Variants in CENPE observed in about 807,000 individuals in gnomAD.
The protein encoded by CENPE is centromere-associated protein E.
Under a neutral mutation model 336.1 loss-of-function variants are expected in CENPE, and 145 were observed. The observed-to-expected ratio is 0.43, with a 90% CI of 0.38 to 0.50. The LOEUF is 0.50. Among genes scored for constraint, CENPE ranks in the 20% least tolerant of loss-of-function variants. The pLI is 0.00. For synonymous variants in CENPE, 1,013 were observed against 984.8 expected (o/e 1.03, Z -0.54); for missense variants, 2,719 against 3,023.3 (o/e 0.90, Z 2.36).
rs963181267 is a variant in CENPE at position 103,171,958 on chromosome 4, G to A, written c.1647+2778C>T. On this transcript the variant is annotated intron_variant, in intron 16 of 48. Coordinates refer to ENST00000265148, the MANE Select transcript of CENPE (RefSeq NM_001813.3). ...TGAACAGGCCAGTAATGAGAAAGGA[G>A]ACTTGAATCAGTAATAAAAAGTCTC... Among the ~76,000 whole-genome samples the A allele has an allele frequency of 2.0e-5, 3 of 151,896 alleles. 1 individual carries two copies. Among genetic ancestry groups the A allele is most frequent in the Admixed American group, 1.3e-4 (2 of 15,246 alleles).
rs143572974 is a variant in CENPE, at chr4:103,162,795, G to C, written c.1842+342C>G. On this transcript the variant is annotated intron_variant, in intron 18 of 48. Transcript: ENST00000265148. Reference sequence around the variant, plus strand: ...GCTGGTCTTGAACTCCTGGGCTCAAGTGATCTCCCACTTCGGCCTCCCAAA... The same window carrying C: ...GCTGGTCTTGAACTCCTGGGCTCAACTGATCTCCCACTTCGGCCTCCCAAA... 4.2e-3 allele frequency among the ~76,000 whole-genome samples: 634 copies of C among 152,170 alleles called. 5 individuals are homozygous for C. Among genetic ancestry groups the C allele is most frequent in the African/African-American group, 0.014 (590 of 41,500 alleles).
chr4:103,192,732 T>A (rs184778025), intron 8 of CENPE, among the ~76,000 whole-genome samples: 14 of 152,238 alleles, frequency 9.2e-5, no homozygotes, highest in Admixed American at 3.9e-4. Context: ...AGAAAATAGT[T>A]TCGTTTTAGA....
At position 103,161,320 on chromosome 4, in the gene CENPE, A is replaced by T. The variant is rs1754423178; in HGVS notation, c.1965+15T>A. The T allele has an allele frequency of 6.2e-7, 1 of 1,605,672 alleles. No individual in the cohort carries two copies. The highest frequency in any genetic ancestry group is 1.3e-5 in the African/African-American group (1 of 74,280). ...TTACAACTACTTTATTATAAATATT[A>T]CAAAAAATACTTACCATTTTCTCCT... On this transcript the variant is annotated intron_variant, in intron 19 of 48. Coordinates refer to ENST00000265148, the MANE Select transcript of CENPE (RefSeq NM_001813.3).
At chr4:103,132,144 T>C (rs1578572549) in intron 42 of CENPE, among the ~76,000 whole-genome samples, 1 of 152,194 alleles carries the variant, frequency 6.6e-6, no homozygotes, top group East Asian at 1.9e-4. Flanking sequence ...TCATCGATTG[T>C]GCCAAATGTG....
intron 42 of CENPE, among the ~76,000 whole-genome samples, chr4:103,127,966 T>G (rs1416128866): frequency 6.6e-6 from 1 of 152,084 alleles, no homozygotes; most frequent in African/African-American, 2.4e-5. Context: ...AATACACCAA[T>G]TAAAAGACCG....
At chr4:103,182,298 T>C (rs895785079) in intron 11 of CENPE, among the ~76,000 whole-genome samples, 1 of 152,010 alleles carries the variant, frequency 6.6e-6, no homozygotes, top group Non-Finnish European at 1.5e-5. Context: ...TCCATGTTGG[T>C]CAGGCTGGTT....
chr4:103,168,592 CTAG>C (rs1755122829), intron 16 of CENPE, among the ~76,000 whole-genome samples: 1 of 152,208 alleles, frequency 6.6e-6, no homozygotes, highest in African/African-American at 2.4e-5. Context: ...TCAGTTTCTC[CTAG>C]CGATAGTCTG....
At position 103,107,319 on chromosome 4, in the gene CENPE, T is replaced by C. The variant is rs141168055; in HGVS notation, c.8012-1003A>G. On this transcript the variant is annotated intron_variant, in intron 48 of 48. Transcript: ENST00000265148. ...ATGTTTCTGTGCCTACCTATCTCCC[T>C]AAGAACACTTTTAGACTGTCAACTT... 3.2e-4 allele frequency among the ~76,000 whole-genome samples: 48 copies of C among 152,332 alleles called. No individual in the cohort carries two copies. The East Asian group carries it at 8.9e-3, about 28-fold the overall frequency.
At chr4:103,188,746 A>G (rs1225428001) in intron 8 of CENPE, among the ~76,000 whole-genome samples, 5 of 152,228 alleles carry the variant, frequency 3.3e-5, no homozygotes, top group Non-Finnish European at 5.9e-5. Flanking sequence ...GAAAAGCAAG[A>G]TCAAACACAT....
At chr4:103,183,992 T>C (rs1022762000) in intron 9 of CENPE, among the ~76,000 whole-genome samples, 2 of 152,218 alleles carry the variant, frequency 1.3e-5, no homozygotes, top group Non-Finnish European at 2.9e-5. Context: ...AATTCCATTT[T>C]ACGGCTGCAT....
chr4:103,155,315 C>A lies in CENPE; in HGVS notation c.3034-2065G>T, dbSNP rs948162677. 8.5e-5 allele frequency among the ~76,000 whole-genome samples: 13 copies of A among 152,078 alleles called. No individual in the cohort carries two copies. In the East Asian group the frequency reaches 2.3e-3, roughly 27 times the overall value. On this transcript the variant is annotated intron_variant, in intron 24 of 48. Coordinates refer to ENST00000265148, the MANE Select transcript of CENPE (RefSeq NM_001813.3). ...ATCATAAAAGTGGAAGTTATTATTT[C>A]TTTCTTTTTTTTTAGACAGGGTCTC... is the stretch of plus-strand genomic sequence containing the variant.
At chr4:103,175,373 G>A (rs1755770206) in intron 15 of CENPE, among the ~76,000 whole-genome samples, 1 of 151,526 alleles carries the variant, frequency 6.6e-6, no homozygotes. Flanking sequence ...ACCAGAGATT[G>A]TAAAAAAAAC....
intron 16 of CENPE, among the ~76,000 whole-genome samples, chr4:103,172,884 T>C (rs1232790975): frequency 2.0e-5 from 3 of 151,938 alleles, no homozygotes; most frequent in Non-Finnish European, 4.4e-5. Flanking sequence ...AATGGGAAGA[T>C]ATGCATGTTC....
intron 42 of CENPE, among the ~76,000 whole-genome samples, chr4:103,129,169 G>A (rs2720455): frequency 0.16 from 24,546 of 152,034 alleles, 2,354 homozygotes; most frequent in Non-Finnish European, 0.2. Context: ...CAATACACAA[G>A]AAAGGCAGTT....
At chr4:103,186,892 T>C (rs1417284050) in intron 8 of CENPE, among the ~76,000 whole-genome samples, 1 of 152,044 alleles carries the variant, frequency 6.6e-6, no homozygotes, top group Non-Finnish European at 1.5e-5. Context: ...ACAAAAAGAA[T>C]AGCCAAAACA....
intron 38 of CENPE, among the ~76,000 whole-genome samples, chr4:103,138,834 T>C (rs1053466712): frequency 1.3e-5 from 2 of 152,102 alleles, no homozygotes; most frequent in Non-Finnish European, 2.9e-5. Flanking sequence ...TGAGACCCTG[T>C]CTCTATAAAA....
At position 103,141,804 on chromosome 4, in the gene CENPE, T is replaced by C. The variant is rs887923183; in HGVS notation, c.5409A>G (p.Lys1803=). 5 of 1,573,990 alleles carry C rather than the reference T, an allele frequency of 3.2e-6. No homozygotes were observed. Among genetic ancestry groups the C allele is most frequent in the Non-Finnish European group, 4.4e-6 (5 of 1,147,854 alleles). The change falls in exon 35 of 49, where the codon AAA becomes AAG. Residue 1803 remains lysine, a synonymous_variant. Transcript: ENST00000265148. The part of the protein sequence containing the change: ...LRGIVSEKTD[K]LSNMQKDLEN... ...CTAAATCTTTTTGCATATTTGATAG[T>C]TTATCTGTCTTCTCAGAAACAATTC... is the stretch of plus-strand genomic sequence containing the variant.
intron 46 of CENPE, among the ~76,000 whole-genome samples, chr4:103,111,745 T>C (rs538006811): frequency 6.6e-6 from 1 of 152,080 alleles, no homozygotes; most frequent in East Asian, 1.9e-4. Flanking sequence ...CTCACTTCTA[T>C]TTTTACCCCT....
rs556934465 is a variant in CENPE, at chr4:103,121,543, T to C, written c.7144-1210A>G. On this transcript the variant is annotated intron_variant, in intron 43 of 48. Transcript: ENST00000265148. ...ATGCACTAAGCAAACCATCTTTTCT[T>C]TCTTTCTTTTTTTTTTTTTTTTTGA... Among the ~76,000 whole-genome samples, 86 of 150,774 alleles carry C rather than the reference T, an allele frequency of 5.7e-4. 2 individuals are homozygous for C. In the South Asian group the frequency reaches 0.018, roughly 31 times the overall value.
Sources: gnomAD v4.1 joint callset for allele counts (sites outside exome capture counted in the v4.1 genomes callset) on GRCh38, gnomAD v4.1.1 for gene constraint, MANE v1.5 for transcripts, NCBI Gene and HGNC (gene_info 2026-07-23, HGNC 2026-07-21) for gene names.